The following CFAP54 variants were observed in gnomAD, a reference collection of about 807,000 sequenced individuals.
The protein encoded by CFAP54 is cilia- and flagella-associated protein 54.
A neutral mutation model predicts 370.4 loss-of-function variants in CFAP54; 290 were observed. The ratio of observed to expected loss-of-function variants is 0.78; its 90% CI spans 0.71 to 0.86. The LOEUF (loss-of-function observed/expected upper bound fraction) is 0.86, where lower values mean the gene tolerates loss of function less well. Among genes scored for constraint, CFAP54 ranks in the 40% least tolerant of loss-of-function variants. The pLI, the probability that CFAP54 is intolerant of heterozygous loss-of-function variation, is 0.00. For synonymous variants in CFAP54, 1,206 were observed against 1,236.5 expected (o/e 0.98, Z 0.52); for missense variants, 3,399 against 3,528.7 (o/e 0.96, Z 0.93).
intron 66 of CFAP54, among the ~76,000 whole-genome samples, chr12:96,847,892 G>T (rs145610118): frequency 6.6e-6 from 1 of 152,158 alleles, no homozygotes; most frequent in Non-Finnish European, 1.5e-5. Flanking sequence ...TGGCTCTGTC[G>T]TTGTAAAGTG....
intron 8 of CFAP54, among the ~76,000 whole-genome samples, chr12:96,526,298 G>A (rs1170605859): frequency 6.6e-6 from 1 of 152,180 alleles, no homozygotes; most frequent in Non-Finnish European, 1.5e-5. Context: ...TGCAGGAAGT[G>A]CAGTCATTTT....
chr12:96,635,166 T>A (rs1243609587), intron 32 of CFAP54, among the ~76,000 whole-genome samples: 1 of 152,220 alleles, frequency 6.6e-6, no homozygotes, highest in Non-Finnish European at 1.5e-5. Context: ...TAGAATAAAC[T>A]TGTCTATAAT....
chr12:96,816,114 C>T (rs1433584467), intron 64 of CFAP54, among the ~76,000 whole-genome samples: 3 of 152,108 alleles, frequency 2.0e-5, no homozygotes, highest in Non-Finnish European at 4.4e-5. Context: ...TCAATGGTAG[C>T]TTGATGGGAA....
chr12:96,784,053 T>C (rs1958606076), intron 60 of CFAP54, among the ~76,000 whole-genome samples: 1 of 152,230 alleles, frequency 6.6e-6, no homozygotes, highest in Non-Finnish European at 1.5e-5. Context: ...TCACTTTAAA[T>C]GGCTTCAAAT....
rs568048410 is a variant in CFAP54 at position 96,530,679 on chromosome 12, T to C, written c.1358-3113T>C. 2.0e-5 allele frequency among the ~76,000 whole-genome samples: 3 copies of C among 152,368 alleles called. No individual in the cohort carries two copies. The East Asian group carries it at 5.8e-4, about 29-fold the overall frequency. ...GTGTGAAGGTAAGTTTTCATTTCTCTGGAATAAAATGCTCAACAGTGCAAT... is the reference window on the plus strand; with the variant it reads ...GTGTGAAGGTAAGTTTTCATTTCTCCGGAATAAAATGCTCAACAGTGCAAT... On this transcript the variant is annotated intron_variant, in intron 9 of 67. Transcript: ENST00000524981.
At chr12:96,739,126 T>C (rs1433122152) in intron 50 of CFAP54, among the ~76,000 whole-genome samples, 3 of 152,156 alleles carry the variant, frequency 2.0e-5, no homozygotes, top group Admixed American at 6.6e-5. Context: ...CAAGTGGAGC[T>C]GTTAAGTGGG....
intron 67 of CFAP54, among the ~76,000 whole-genome samples, chr12:96,874,072 A>G (rs915071762): frequency 2.0e-5 from 3 of 152,190 alleles, no homozygotes; most frequent in Non-Finnish European, 4.4e-5. Context: ...TCCAACCCAG[A>G]GTGCTCTCCT....
At chr12:96,640,551 T>C (rs1956714412) in intron 32 of CFAP54, among the ~76,000 whole-genome samples, 1 of 152,182 alleles carries the variant, frequency 6.6e-6, no homozygotes, top group Non-Finnish European at 1.5e-5. Context: ...CCAATGACTT[T>C]CTTCACAGAA....
At chr12:96,699,746 C>T (rs1423861538) in intron 45 of CFAP54, among the ~76,000 whole-genome samples, 3 of 152,084 alleles carry the variant, frequency 2.0e-5, no homozygotes, top group African/African-American at 7.2e-5. Context: ...TTTGAACAGC[C>T]GCCTGCTGTT....
chr12:96,787,033 T>C, intron 62 of CFAP54, 135 bp downstream of exon 62: 3 of 674,862 alleles, frequency 4.4e-6, no homozygotes, highest in Non-Finnish European at 7.4e-6. Context: ...GGCTCATTCC[T>C]GTGTTACCAT....
At chr12:96,575,092 T>C (rs1208673720) in intron 19 of CFAP54, among the ~76,000 whole-genome samples, 1 of 152,164 alleles carries the variant, frequency 6.6e-6, no homozygotes, top group African/African-American at 2.4e-5. Context: ...GTCAGTTTGC[T>C]GATTTTGTAT....
At chr12:96,668,719 G>C (rs1224679163) in intron 39 of CFAP54, among the ~76,000 whole-genome samples, 2 of 152,164 alleles carry the variant, frequency 1.3e-5, no homozygotes, top group Non-Finnish European at 2.9e-5. Context: ...AATAGAATGA[G>C]ATGAAAATGG....
chr12:96,542,611 T>G (rs1955589166), intron 14 of CFAP54, among the ~76,000 whole-genome samples: 1 of 152,214 alleles, frequency 6.6e-6, no homozygotes, highest in Admixed American at 6.5e-5. Flanking sequence ...CTCCGAGTAT[T>G]TTAAAACAGA....
In CFAP54 at chr12:96,780,358, G is replaced by A. The variant is rs928727158; in HGVS notation, c.8282-4359G>A. On this transcript the variant is annotated intron_variant, in intron 60 of 67. Coordinates refer to ENST00000524981, the MANE Select transcript of CFAP54 (RefSeq NM_001306084.2). The stretch of plus-strand genomic sequence containing the variant: ...GAATCTATTTTTGTGTATAGTGTGA[G>A]GCTGAAATTAAGATTAACTTTTTTT... Among the ~76,000 whole-genome samples the A allele has an allele frequency of 7.9e-5, 12 of 152,062 alleles. No individual in the cohort carries two copies. In the South Asian group the frequency reaches 2.3e-3, roughly 29 times the overall value.
At chr12:96,536,762 G>C (rs562023530) in intron 12 of CFAP54, among the ~76,000 whole-genome samples, 1 of 151,966 alleles carries the variant, frequency 6.6e-6, no homozygotes, top group South Asian at 2.1e-4. Flanking sequence ...GAGTAGCTGG[G>C]ATTACAGGCA....
chr12:96,528,796 A>C (rs1955410039), intron 9 of CFAP54, among the ~76,000 whole-genome samples: 1 of 152,140 alleles, frequency 6.6e-6, no homozygotes, highest in African/African-American at 2.4e-5. Flanking sequence ...TTTGCTCTTC[A>C]TTACTTCCTT....
chr12:96,718,542 C>A lies in CFAP54; in HGVS notation c.6804+20C>A, dbSNP rs549922634. The A allele has an allele frequency of 1.1e-4, 161 of 1,460,186 alleles. No individual in the cohort carries two copies. The South Asian group carries it at 1.8e-3, about 16-fold the overall frequency. 90.5% of individuals were successfully genotyped at this position (1,460,186 alleles called of 1,614,324 possible). On this transcript the variant is annotated intron_variant, in intron 49 of 67. Transcript: ENST00000524981. ...CTAAAGGTAAGTTTGAAACTGTTTT[C>A]AAACCATTAAGTTAGTTACCAAAAA...
At chr12:96,532,192 T>A (rs1451483574) in intron 9 of CFAP54, among the ~76,000 whole-genome samples, 1 of 152,256 alleles carries the variant, frequency 6.6e-6, no homozygotes, top group Admixed American at 6.5e-5. Flanking sequence ...TAAAGGATGC[T>A]TCATTTGTGG....
intron 5 of CFAP54, among the ~76,000 whole-genome samples, chr12:96,517,942 T>C (rs578226959): frequency 1.3e-4 from 20 of 152,264 alleles, no homozygotes; most frequent in Non-Finnish European, 2.5e-4. Flanking sequence ...TAGAAGTGAG[T>C]TCTGGATTGC....
Sources: gnomAD v4.1 joint callset for allele counts (sites outside exome capture counted in the v4.1 genomes callset) on GRCh38, gnomAD v4.1.1 for gene constraint, MANE v1.5 for transcripts, NCBI Gene and HGNC (gene_info 2026-07-23, HGNC 2026-07-21) for gene names.